LGSN: variants seen among roughly 807,000 people sequenced by gnomAD.
The protein encoded by LGSN is lengsin, lens protein with glutamine synthetase domain.
A neutral mutation model predicts 19.5 loss-of-function variants in LGSN; 21 were observed. The observed-to-expected ratio is 1.07, with a 90% CI of 0.76 to 1.55. The LOEUF is 1.55. Among genes scored for constraint, LGSN ranks in the 40% most tolerant of loss-of-function variants. The pLI is 0.00. For synonymous variants in LGSN, 257 were observed against 215.6 expected (o/e 1.19, Z -1.68); for missense variants, 673 against 608.5 (o/e 1.11, Z -1.12).
chr6:63,341,891 C>T, the LGSN span, among the ~76,000 whole-genome samples: 1 of 152,154 alleles, frequency 6.6e-6, no homozygotes, highest in African/African-American at 2.4e-5. Context: ...GCCTGTGTAC[C>T]TTATCTAAGC....
chr6:63,318,494 G>A (rs978591645), intron 1 of LGSN, among the ~76,000 whole-genome samples: 1 of 152,138 alleles, frequency 6.6e-6, no homozygotes, highest in African/African-American at 2.4e-5. Flanking sequence ...TTATTCAGTG[G>A]AGTTGGGTCA....
the LGSN span, among the ~76,000 whole-genome samples, chr6:63,450,473 A>G: frequency 6.6e-6 from 1 of 151,622 alleles, no homozygotes; most frequent in Non-Finnish European, 1.5e-5. Context: ...TTGAATCCGG[A>G]GGCAGAGGTT....
the LGSN span, among the ~76,000 whole-genome samples, chr6:63,426,692 T>A: frequency 6.6e-6 from 1 of 152,080 alleles, no homozygotes; most frequent in Non-Finnish European, 1.5e-5. Flanking sequence ...ATTTTTGTAT[T>A]TCAGTAGAGA....
the LGSN span, among the ~76,000 whole-genome samples, chr6:63,557,932 C>T: frequency 6.6e-6 from 1 of 151,894 alleles, no homozygotes; most frequent in Non-Finnish European, 1.5e-5. Context: ...CTCTGTCACC[C>T]AGGCTGGAGT....
chr6:63,331,627 C>T, the LGSN span, among the ~76,000 whole-genome samples: 2 of 152,154 alleles, frequency 1.3e-5, no homozygotes, highest in Non-Finnish European at 2.9e-5. Context: ...CTCACCAACG[C>T]AGCAGCAGAA....
chr6:63,495,660 G>C, the LGSN span, among the ~76,000 whole-genome samples: 1 of 151,620 alleles, frequency 6.6e-6, no homozygotes, highest in African/African-American at 2.4e-5. Flanking sequence ...ATGTTGACCA[G>C]GCTGGTCTTG....
the LGSN span, among the ~76,000 whole-genome samples, chr6:63,463,483 T>A: frequency 2.6e-5 from 4 of 152,182 alleles, no homozygotes; most frequent in Non-Finnish European, 5.9e-5. Context: ...CAAATTCCTA[T>A]AGATTGTTAT....
the LGSN span, among the ~76,000 whole-genome samples, chr6:63,412,717 A>AGGAAGGAAGGAAGGAAGGAAGGAC: frequency 4.6e-5 from 4 of 86,686 alleles, no homozygotes; most frequent in African/African-American, 2.5e-4. Context: ...GAGGGAAGGA[A>AGGAAGGAAGGAAGGAAGGAAGGAC]GGAAAGAAAG....
the LGSN span, among the ~76,000 whole-genome samples, chr6:63,406,030 G>C: frequency 6.6e-6 from 1 of 152,150 alleles, no homozygotes; most frequent in East Asian, 1.9e-4. Flanking sequence ...CATAAAGCAA[G>C]TCCTGAGTGA....
the LGSN span, among the ~76,000 whole-genome samples, chr6:63,354,070 A>T: frequency 6.6e-6 from 1 of 152,184 alleles, no homozygotes; most frequent in African/African-American, 2.4e-5. Context: ...AAAACACTTT[A>T]GGGCATTGGT....
chr6:63,434,439 CA>C, the LGSN span, among the ~76,000 whole-genome samples: 51,686 of 105,832 alleles, frequency 0.49, 11,631 homozygotes, highest in Non-Finnish European at 0.54. Context: ...GACTCCATCT[CA>C]AAAAAAAAAA....
chr6:63,486,820 T>TTATTA, the LGSN span, among the ~76,000 whole-genome samples: 2 of 146,170 alleles, frequency 1.4e-5, no homozygotes, highest in African/African-American at 5.1e-5. Context: ...GTATGTTTAT[T>TTATTA]TTATTATTAT....
chr6:63,344,933 A>G, the LGSN span, among the ~76,000 whole-genome samples: 84 of 152,270 alleles, frequency 5.5e-4, no homozygotes, highest in African/African-American at 1.9e-3. Context: ...GCATACCACT[A>G]TCAGTATTTT....
chr6:63,295,118 A>G (rs1767933573), intron 1 of LGSN, 73 bp from the exon 2 acceptor site: 3 of 1,392,070 alleles, frequency 2.2e-6, no homozygotes, highest in Non-Finnish European at 3.0e-6. Flanking sequence ...TCGAAAGAGT[A>G]TATTTGAATA....
At chr6:63,343,996 C>T in the LGSN span, among the ~76,000 whole-genome samples, 1 of 152,068 alleles carries the variant, frequency 6.6e-6, no homozygotes, top group Non-Finnish European at 1.5e-5. Context: ...GACCTGAGTC[C>T]TACAGATGGA....
chr6:63,530,462 G>C, the LGSN span, among the ~76,000 whole-genome samples: 3 of 152,194 alleles, frequency 2.0e-5, no homozygotes, highest in Admixed American at 1.3e-4. Flanking sequence ...AAACATGAAG[G>C]CTTAGACGCC....
the LGSN span, among the ~76,000 whole-genome samples, chr6:63,468,614 G>C: frequency 3.3e-5 from 5 of 151,450 alleles, no homozygotes; most frequent in East Asian, 7.8e-4. Flanking sequence ...TTTTAGTAGA[G>C]ACAGGGTTTC....
At chr6:63,441,597 C>G in the LGSN span, 5 of 450,464 alleles carry the variant, frequency 1.1e-5, no homozygotes, top group Admixed American at 7.9e-5. Flanking sequence ...GGCAAAGCAG[C>G]GAGCTAAGGA....
chr6:63,486,827 T>C, the LGSN span, among the ~76,000 whole-genome samples: 1 of 129,646 alleles, frequency 7.7e-6, no homozygotes, highest in Non-Finnish European at 1.5e-5. Context: ...TATTTTATTA[T>C]TATTATTATT....
Sources: allele counts gnomAD v4.1 joint callset (sites outside exome capture counted in the v4.1 genomes callset), GRCh38; gene constraint gnomAD v4.1.1; transcripts MANE v1.5; gene names NCBI Gene and HGNC (gene_info 2026-07-23, HGNC 2026-07-21).